The following ABCB4 variants were observed in gnomAD, a reference collection of about 807,000 sequenced individuals.
The protein encoded by ABCB4 is ATP binding cassette subfamily B member 4.
A neutral mutation model predicts 145.7 loss-of-function variants in ABCB4; 76 were observed. The ratio of observed to expected loss-of-function variants is 0.52; its 90% CI spans 0.43 to 0.63. The LOEUF (loss-of-function observed/expected upper bound fraction) is 0.63. Ranked by LOEUF, ABCB4 falls within the 30% of genes least tolerant of loss-of-function variation. The pLI, the probability that ABCB4 is intolerant of heterozygous loss-of-function variation, is 0.00. For missense variants in ABCB4, 1,234 were observed against 1,553.1 expected, an observed-to-expected ratio of 0.79 and a Z score of 3.45; for synonymous variants, 517 against 566.8, an observed-to-expected ratio of 0.91 and a Z score of 1.25.
At chr7:87,368,769 A>T in the ABCB4 span, among the ~76,000 whole-genome samples, 3 of 152,332 alleles carry the variant, frequency 2.0e-5, no homozygotes, top group East Asian at 5.8e-4. Flanking sequence ...ATGGGGTTAT[A>T]TCAGAATAGT....
the ABCB4 span, among the ~76,000 whole-genome samples, chr7:87,385,489 A>T: frequency 6.6e-6 from 1 of 151,624 alleles, no homozygotes; most frequent in Non-Finnish European, 1.5e-5. Context: ...TGTTTTTCAG[A>T]TTGTTTGCTT....
At chr7:87,415,120 C>T (rs892928995) in intron 21 of ABCB4, among the ~76,000 whole-genome samples, 10 of 152,186 alleles carry the variant, frequency 6.6e-5, no homozygotes, top group Non-Finnish European at 1.5e-4. Flanking sequence ...CATGGATCAA[C>T]TCCCTTACGG....
At chr7:87,419,862 G>T in intron 19 of ABCB4, 136 bp downstream of exon 19, 2 of 883,358 alleles carry the variant, frequency 2.3e-6, no homozygotes, top group African/African-American at 1.7e-5. Flanking sequence ...AGGACAATTT[G>T]CAGGACTCTG....
chr7:87,375,508 A>T, the ABCB4 span: 1 of 614,544 alleles, frequency 1.6e-6, no homozygotes, highest in Non-Finnish European at 2.8e-6. Context: ...TTGGCATCAT[A>T]AGTGGTTTCT....
chr7:87,464,350 G>A (rs899068400), intron 3 of ABCB4, among the ~76,000 whole-genome samples: 1 of 152,188 alleles, frequency 6.6e-6, no homozygotes, highest in Non-Finnish European at 1.5e-5. Flanking sequence ...ACCAGGCAGA[G>A]CTTGGATAAA....
Position 87,444,746 on chromosome 7 carries a change from AC to A in ABCB4, c.1119+115del. Reference sequence around the variant, plus strand: ...CATTCATTTCATATAATTAAATGTCACTTTAGTCAGTACAACTTATTCAATG... The same window carrying A: ...CATTCATTTCATATAATTAAATGTCATTTAGTCAGTACAACTTATTCAATG... On this transcript the variant is annotated intron_variant, in intron 10 of 27. Transcript: ENST00000649586. 15 of 702,040 alleles carry A rather than the reference AC, an allele frequency of 2.1e-5. No individual in the cohort carries two copies. The South Asian group carries it at 2.6e-4, about 12-fold the overall frequency. The allele number at this position is 702,040 out of a possible 1,614,324, so 43.5% of individuals were successfully genotyped here.
chr7:87,401,928 CTCAAATT>C lies in ABCB4; in HGVS notation c.*161_*167del. On this transcript the variant is annotated 3_prime_UTR_variant, in exon 28 of 28. Transcript: ENST00000649586. Reference sequence around the variant, plus strand: ...ATCAAGACAGGTGTCACTTCTAACTCTCAAATTTCAAATGCCGTAATAAACCCCAAAT... The same window carrying C: ...ATCAAGACAGGTGTCACTTCTAACTCTCAAATGCCGTAATAAACCCCAAAT... The C allele has an allele frequency of 1.1e-6, 1 of 904,200 alleles. No homozygotes were observed. Among genetic ancestry groups the C allele is most frequent in the Non-Finnish European group, 1.8e-6 (1 of 569,518 alleles). 56.0% of individuals were successfully genotyped at this position (904,200 alleles called of 1,614,324 possible).
chr7:87,413,873 C>G (rs1436718546), intron 21 of ABCB4, among the ~76,000 whole-genome samples, 156 bp from the exon 22 acceptor site: 15 of 152,238 alleles, frequency 9.9e-5, no homozygotes, highest in Non-Finnish European at 1.8e-4. Flanking sequence ...CTGTTCAAGA[C>G]TAGCTTTATG....
downstream of ABCB4, chr7:87,398,941 C>G (rs1807652190): frequency 3.5e-6 from 1 of 282,832 alleles, no homozygotes; most frequent in Non-Finnish European, 6.6e-6. Context: ...TTTAACAATG[C>G]AAGTCTTACT....
At chr7:87,458,918 G>C (rs1010858490) in intron 4 of ABCB4, among the ~76,000 whole-genome samples, 1 of 150,304 alleles carries the variant, frequency 6.7e-6, no homozygotes. Context: ...TCCCCAGAGA[G>C]ACCTTGAATT....
chr7:87,421,986 C>T, intron 18 of ABCB4, 135 bp downstream of exon 18: 2 of 686,238 alleles, frequency 2.9e-6, no homozygotes, highest in South Asian at 3.6e-5. Flanking sequence ...AAGGAGTCTA[C>T]CCTCCAGCAG....
the ABCB4 span, among the ~76,000 whole-genome samples, chr7:87,370,694 G>A: frequency 3.3e-5 from 5 of 152,192 alleles, no homozygotes; most frequent in African/African-American, 1.2e-4. Context: ...AAAGATTCCC[G>A]TCATCCCTCT....
At chr7:87,475,605 G>A in intron 1 of ABCB4, 29 bp downstream of exon 1, 1 of 830,532 alleles carries the variant, frequency 1.2e-6, no homozygotes, top group Non-Finnish European at 2.0e-6. Context: ...GTCTCCCTTC[G>A]AGGCCAGACG....
intron 6 of ABCB4, chr7:87,452,613 G>T: frequency 2.8e-6 from 1 of 353,852 alleles, no homozygotes; most frequent in Non-Finnish European, 5.3e-6. Flanking sequence ...AAGTCTCTTT[G>T]TAAATTAATT....
At chr7:87,445,129 T>C (rs1219570733) in intron 9 of ABCB4, among the ~76,000 whole-genome samples, 154 bp from the exon 10 acceptor site, 8 of 152,178 alleles carry the variant, frequency 5.3e-5, no homozygotes, top group African/African-American at 1.9e-4. Context: ...GCAAGGCTAA[T>C]ATAGCATTTT....
At chr7:87,467,844 C>A (rs1197558115) in intron 3 of ABCB4, among the ~76,000 whole-genome samples, 2 of 152,072 alleles carry the variant, frequency 1.3e-5, no homozygotes, top group African/African-American at 2.4e-5. Flanking sequence ...TCTTTGAAAC[C>A]AATGAGAACA....
chr7:87,412,291 A>AT (rs1808678370), intron 22 of ABCB4, among the ~76,000 whole-genome samples: 1 of 152,210 alleles, frequency 6.6e-6, no homozygotes, highest in African/African-American at 2.4e-5. Flanking sequence ...GATAACTGAT[A>AT]TTATTACATA....
At chr7:87,465,234 C>T (rs183000288) in intron 3 of ABCB4, among the ~76,000 whole-genome samples, 20 of 152,362 alleles carry the variant, frequency 1.3e-4, no homozygotes, top group Non-Finnish European at 1.8e-4. Context: ...TTACATCCCA[C>T]GCCTGGCTCA....
intron 14 of ABCB4, among the ~76,000 whole-genome samples, chr7:87,432,201 G>A (rs1810288507): frequency 6.6e-6 from 1 of 152,128 alleles, no homozygotes; most frequent in South Asian, 2.1e-4. Context: ...CTAGTTTAGT[G>A]GCCTCATATG....
Sources: allele counts gnomAD v4.1 joint callset (sites outside exome capture counted in the v4.1 genomes callset), GRCh38; gene constraint gnomAD v4.1.1; transcripts MANE v1.5; gene names NCBI Gene and HGNC (gene_info 2026-07-23, HGNC 2026-07-21).